PATJ: variants seen among roughly 807,000 people sequenced by gnomAD.
The protein encoded by PATJ is PATJ crumbs cell polarity complex component, also known as inaD-like protein.
PATJ carries 190 observed loss-of-function variants against 224.9 expected under a neutral mutation model. The ratio of observed to expected loss-of-function variants is 0.84; its 90% CI spans 0.75 to 0.95. The LOEUF (loss-of-function observed/expected upper bound fraction) is 0.95. PATJ is among the 40% of genes least tolerant of loss of function. The pLI, the probability that PATJ is intolerant of heterozygous loss-of-function variation, is 0.00. For missense variants in PATJ, 2,121 were observed against 2,270.3 expected (o/e 0.93, Z 1.34); for synonymous variants, 769 against 820.3 (o/e 0.94, Z 1.07).
At position 62,096,819 on chromosome 1, in the gene PATJ, G is replaced by A. The variant is rs192253323; in HGVS notation, c.4378-11618G>A. Among the ~76,000 whole-genome samples the A allele has an allele frequency of 3.1e-3, 472 of 152,220 alleles. 1 individual carries two copies. The highest frequency in any genetic ancestry group is 0.011 in the African/African-American group (449 of 41,542). On this transcript the variant is annotated intron_variant, in intron 33 of 43. Transcript: ENST00000642238. ...TTTAGTACAGACGAGGTTTCACCAG[G>A]TTGGCCAGGCTAGTCTTGAACTCCT...
At chr1:61,796,679 TTTC>T (rs1651217926) in intron 10 of PATJ, among the ~76,000 whole-genome samples, 2 of 21,654 alleles carry the variant, frequency 9.2e-5, no homozygotes, top group South Asian at 2.9e-3. Flanking sequence ...TCTTTCTTTC[TTTC>T]TTTCTTTCTT....
intron 40 of PATJ, 127 bp downstream of exon 40, chr1:62,128,221 T>C (rs2481664): frequency 0.51 from 468,887 of 922,474 alleles, 128,438 homozygotes; most frequent in Middle Eastern, 0.6. Flanking sequence ...GAGGGCAAGA[T>C]GCATTAGATA....
intron 17 of PATJ, among the ~76,000 whole-genome samples, chr1:61,842,781 G>A (rs1460046821): frequency 8.2e-6 from 1 of 121,984 alleles, no homozygotes; most frequent in African/African-American, 3.1e-5. Flanking sequence ...AAAAGGAATA[G>A]GAACAGTTAA....
chr1:61,909,054 A>G (rs1672242200), intron 25 of PATJ, among the ~76,000 whole-genome samples: 1 of 152,136 alleles, frequency 6.6e-6, no homozygotes, highest in South Asian at 2.1e-4. Context: ...ATCTCAGCTC[A>G]CTGCAATCTC....
At chr1:61,789,689 G>C (rs1649370579) in intron 8 of PATJ, among the ~76,000 whole-genome samples, 1 of 152,060 alleles carries the variant, frequency 6.6e-6, no homozygotes, top group Admixed American at 6.6e-5. Flanking sequence ...GCACACGCTT[G>C]TAATTCCAGC....
At chr1:62,136,324 GC>G (rs1191728668) in intron 41 of PATJ, among the ~76,000 whole-genome samples, 1 of 150,908 alleles carries the variant, frequency 6.6e-6, no homozygotes, top group Non-Finnish European at 1.5e-5. Context: ...GAGCCGCCAC[GC>G]CCAGCCCGAT....
At chr1:61,964,969 G>C (rs139142396) in intron 27 of PATJ, among the ~76,000 whole-genome samples, 2 of 150,910 alleles carry the variant, frequency 1.3e-5, no homozygotes, top group African/African-American at 4.9e-5. Context: ...AAAATTAGCC[G>C]GGCGTGGTGG....
In PATJ at chr1:61,770,516, A is replaced by G. The variant is rs1646538228; in HGVS notation, c.525-915A>G. Among the ~76,000 whole-genome samples, 3 of 152,204 alleles carry G rather than the reference A, an allele frequency of 2.0e-5. No homozygotes were observed. In the South Asian group the frequency reaches 6.2e-4, roughly 32 times the overall value. On this transcript the variant is annotated intron_variant, in intron 5 of 43. Coordinates refer to ENST00000642238, the MANE Select transcript of PATJ (RefSeq NM_001350145.3). ...GTGAGATAATGCATGTAAAGCACTC[A>G]ACATAGTACCTGACTCATGATAAGT...
intron 16 of PATJ, among the ~76,000 whole-genome samples, chr1:61,830,053 G>A (rs1489125792): frequency 1.3e-5 from 2 of 152,100 alleles, no homozygotes; most frequent in East Asian, 1.9e-4. Flanking sequence ...TTGACCACCC[G>A]TGTCTTGCAG....
chr1:61,958,073 A>T (rs1680688537), intron 27 of PATJ, among the ~76,000 whole-genome samples: 1 of 152,192 alleles, frequency 6.6e-6, no homozygotes, highest in Non-Finnish European at 1.5e-5. Context: ...TACAAAATAT[A>T]TGTATATGTA....
chr1:62,034,433 ACT>A (rs1649955943), intron 29 of PATJ, among the ~76,000 whole-genome samples: 1 of 118,644 alleles, frequency 8.4e-6, no homozygotes, highest in Non-Finnish European at 1.8e-5. Context: ...AGAGAGAGAG[ACT>A]CTGTCTCAAA....
intron 30 of PATJ, among the ~76,000 whole-genome samples, chr1:62,043,726 T>TGGG (rs112036402): frequency 4.0e-5 from 6 of 151,244 alleles, no homozygotes; most frequent in Non-Finnish European, 8.8e-5. Flanking sequence ...GGTTTTGGTT[T>TGGG]GGGGGGGGCA....
intron 31 of PATJ, among the ~76,000 whole-genome samples, chr1:62,053,604 A>G (rs1371095130): frequency 6.6e-6 from 1 of 152,182 alleles, no homozygotes; most frequent in Admixed American, 6.5e-5. Context: ...CTGTAATCCC[A>G]GCTACTTGGG....
Position 61,822,951 on chromosome 1 carries a change from C to T in PATJ, c.1690C>T (p.Pro564Ser), listed in dbSNP as rs753006368. The change falls in exon 15 of 44, where the codon CCT becomes TCT. Residue 564 changes from proline to serine, a missense_variant. By Grantham distance (74) the Pro-to-Ser change is moderately conservative. Transcript: ENST00000642238. ...GCTTTGTGTTTTGCTACAGCTGCTG[C>T]CTATTCACACTCTGAGGCTTGGTGT... is the stretch of plus-strand genomic sequence containing the variant. ...AELQKYSKLL[P>S]IHTLRLGVEV... is the part of the protein sequence containing the mutation. 10 of 1,613,786 alleles carry T rather than the reference C, an allele frequency of 6.2e-6. No homozygotes were observed. The Admixed American group carries it at 1.3e-4, about 22-fold the overall frequency.
At chr1:62,055,361 T>C (rs1445960917) in intron 31 of PATJ, among the ~76,000 whole-genome samples, 1 of 152,240 alleles carries the variant, frequency 6.6e-6, no homozygotes, top group Non-Finnish European at 1.5e-5. Context: ...AATATCTATG[T>C]TCATATAATA....
intron 17 of PATJ, among the ~76,000 whole-genome samples, chr1:61,850,249 C>G (rs1662601764): frequency 6.6e-6 from 1 of 152,210 alleles, no homozygotes; most frequent in Admixed American, 6.5e-5. Flanking sequence ...GAAATCTGGT[C>G]TCTTTGATCT....
At position 62,160,798 on chromosome 1, in the gene PATJ, TAA is replaced by T. The variant is rs1373381668; in HGVS notation, c.5503-108_5503-107del. On this transcript the variant is annotated intron_variant, in intron 43 of 43. Transcript: ENST00000642238. ...TAGAAAAAACTTAATTGGTAGTTTT[TAA>T]AGTTACTCTTTTAATATGCACACCA... is the stretch of plus-strand genomic sequence containing the variant. 1.2e-5 allele frequency: 14 copies of T among 1,168,136 alleles called. No individual in the cohort carries two copies. In the Admixed American group the frequency reaches 3.9e-4, roughly 33 times the overall value. 72.4% of individuals were successfully genotyped at this position (1,168,136 alleles called of 1,614,324 possible).
At chr1:62,105,180 G>A (rs981111805) in intron 33 of PATJ, among the ~76,000 whole-genome samples, 6 of 152,252 alleles carry the variant, frequency 3.9e-5, no homozygotes, top group African/African-American at 1.2e-4. Context: ...TTCATTGAGC[G>A]CCAGAAAATA....
rs1664124985 is a variant in PATJ at position 62,113,737 on chromosome 1, C to T, written c.4462-316C>T. Among the ~76,000 whole-genome samples, 3 of 152,344 alleles carry T rather than the reference C, an allele frequency of 2.0e-5. No individual in the cohort carries two copies. In the South Asian group the frequency reaches 6.2e-4, roughly 32 times the overall value. On this transcript the variant is annotated intron_variant, in intron 34 of 43. Transcript: ENST00000642238. ...ATTAATAGTTATTTCCCTTTTATCTCAATTAAATGAGCTAGTTAAGTCCCT... is the reference window on the plus strand; with the variant it reads ...ATTAATAGTTATTTCCCTTTTATCTTAATTAAATGAGCTAGTTAAGTCCCT...
Sources: allele counts gnomAD v4.1 joint callset (sites outside exome capture counted in the v4.1 genomes callset), GRCh38; gene constraint gnomAD v4.1.1; transcripts MANE v1.5; gene names NCBI Gene and HGNC (gene_info 2026-07-23, HGNC 2026-07-21).